Variants in ADGRV1 observed in about 807,000 individuals in gnomAD.
ADGRV1 encodes the protein G-protein coupled receptor 98.
In ADGRV1, 359 loss-of-function variants were observed where a neutral mutation model predicts 596.2. The observed-to-expected ratio is 0.60, with a 90% CI of 0.55 to 0.66. The LOEUF (loss-of-function observed/expected upper bound fraction) is 0.66, where lower values mean the gene tolerates loss of function less well. Ranked by LOEUF, ADGRV1 falls within the 30% of genes least tolerant of loss-of-function variation. The pLI is 0.00. For synonymous variants in ADGRV1, 2,681 were observed against 2,679.2 expected (o/e 1.00, Z -0.02); for missense variants, 7,274 against 7,575.6 (o/e 0.96, Z 1.48).
Position 91,164,302 on chromosome 5 carries a change from AC to A in ADGRV1, c.*405del, listed in dbSNP as rs1797191725. The stretch of plus-strand genomic sequence containing the variant: ...ACTCTATATGTAGATGATGACAAGC[AC>A]CCTGTGCCATCTTGCATGAATCCAG... On this transcript the variant is annotated 3_prime_UTR_variant, in exon 90 of 90. Transcript: ENST00000405460. 1 of 281,450 alleles carries A rather than the reference AC, an allele frequency of 3.6e-6. No homozygotes were observed. The highest frequency in any genetic ancestry group is 2.2e-5 in the African/African-American group (1 of 45,256). 17.4% of individuals were successfully genotyped at this position (281,450 alleles called of 1,614,324 possible).
chr5:91,072,557 A>C lies in ADGRV1; in HGVS notation c.18263A>C (p.Gln6088Pro). ...VFIHAYQVKP[Q>P]WKAYDDVFRG... ...ATCCATGCCTACCAGGTGAAGCCAC[A>C]GTGGAAAGCATATGATGATGTCTTC... is the stretch of plus-strand genomic sequence containing the variant. Residue 6088 changes from glutamine to proline, a missense_variant, in exon 86 of 90, where the codon CAG becomes CCG. Transcript: ENST00000405460. The C allele has an allele frequency of 1.9e-6, 3 of 1,613,890 alleles. No individual in the cohort carries two copies. Among genetic ancestry groups the C allele is most frequent in the Non-Finnish European group, 2.5e-6 (3 of 1,179,778 alleles).
At chr5:90,765,622 T>C (rs1190140727) in intron 59 of ADGRV1, among the ~76,000 whole-genome samples, 1 of 152,150 alleles carries the variant, frequency 6.6e-6, no homozygotes, top group East Asian at 1.9e-4. Context: ...ATTTTTTCTT[T>C]ATGGTAGGAA....
chr5:90,748,213 C>T (rs1754838845), intron 52 of ADGRV1, among the ~76,000 whole-genome samples: 1 of 152,152 alleles, frequency 6.6e-6, no homozygotes, highest in Non-Finnish European at 1.5e-5. Flanking sequence ...GAAGTTTACA[C>T]TACTACTCAA....
chr5:91,072,400 A>G (rs377622264), intron 85 of ADGRV1, 47 bp from the exon 86 acceptor site: 146 of 1,488,252 alleles, frequency 9.8e-5, no homozygotes, highest in Non-Finnish European at 1.1e-4. Flanking sequence ...ATTTAGAAAT[A>G]TTTGCGCTGA....
chr5:90,628,474 C>A, intron 7 of ADGRV1, 88 bp from the exon 8 acceptor site: 1 of 1,092,314 alleles, frequency 9.2e-7, no homozygotes, highest in East Asian at 2.5e-5. Context: ...TTATCAGTGT[C>A]TAATGGACAA....
intron 1 of ADGRV1, among the ~76,000 whole-genome samples, chr5:90,597,083 A>G (rs1760783794): frequency 1.3e-5 from 2 of 152,350 alleles, no homozygotes; most frequent in South Asian, 2.1e-4. Context: ...TTGGTTTGAT[A>G]CATGTTTGAG....
chr5:90,860,715 G>A (rs1406376011), intron 82 of ADGRV1, among the ~76,000 whole-genome samples: 27 of 145,600 alleles, frequency 1.9e-4, no homozygotes, highest in African/African-American at 7.0e-4. Flanking sequence ...TACATTAGGT[G>A]GTATAATAAA....
chr5:90,889,988 C>T (rs959212478), intron 83 of ADGRV1, among the ~76,000 whole-genome samples: 15 of 152,148 alleles, frequency 9.9e-5, no homozygotes, highest in Admixed American at 2.0e-4. Flanking sequence ...GCTGCTCACT[C>T]CTAAACCCAG....
intron 79 of ADGRV1, among the ~76,000 whole-genome samples, chr5:90,849,072 C>T (rs573070204): frequency 7.9e-5 from 12 of 152,106 alleles, no homozygotes; most frequent in African/African-American, 2.9e-4. Context: ...AAAAGCCTTA[C>T]TGTTTACTCT....
rs745313702 is a variant in ADGRV1 at position 90,829,050 on chromosome 5, A to G, written c.16475A>G (p.Asp5492Gly). Reference sequence around the variant, plus strand: ...GCACAGATTAAAATCTTAGAAAGTGATGAATCTCAAAGCCTTGTGTATTTT... The same window carrying G: ...GCACAGATTAAAATCTTAGAAAGTGGTGAATCTCAAAGCCTTGTGTATTTT... The part of the protein sequence containing the change: ...RFAQIKILES[D>G]ESQSLVYFSV... Residue 5492 changes from aspartate (D) to glycine (G), a missense_variant, in exon 77 of 90, where the codon GAT (aspartate) becomes GGT (glycine). Asp to Gly is a moderately conservative substitution (Grantham distance 94). This residue lies in a region of ADGRV1 where 1,874 missense variants were observed against 1,970.2 expected (regional missense o/e 0.95). Coordinates refer to ENST00000405460, the MANE Select transcript of ADGRV1 (RefSeq NM_032119.4). The G allele has an allele frequency of 6.2e-7, 1 of 1,612,814 alleles. No homozygotes were observed. The highest frequency in any genetic ancestry group is 8.5e-7 in the Non-Finnish European group (1 of 1,179,144).
At chr5:90,928,146 T>C (rs1171896111) in intron 83 of ADGRV1, among the ~76,000 whole-genome samples, 2 of 152,150 alleles carry the variant, frequency 1.3e-5, no homozygotes, top group Non-Finnish European at 2.9e-5. Flanking sequence ...CTTTGTGGCA[T>C]TCTCTGTATT....
At chr5:90,750,756 G>A in intron 53 of ADGRV1, 59 bp downstream of exon 53, 1 of 1,371,558 alleles carries the variant, frequency 7.3e-7, no homozygotes, top group Non-Finnish European at 1.0e-6. Context: ...AGTGATGTAT[G>A]GGACCAAATC....
At chr5:90,770,719 C>CA (rs1757601237) in intron 59 of ADGRV1, among the ~76,000 whole-genome samples, 2 of 151,956 alleles carry the variant, frequency 1.3e-5, no homozygotes, top group South Asian at 2.1e-4. Context: ...CAAACAAAAA[C>CA]AAAAAAACCT....
chr5:91,030,799 C>T (rs901668899), intron 85 of ADGRV1, among the ~76,000 whole-genome samples: 5 of 152,150 alleles, frequency 3.3e-5, no homozygotes, highest in South Asian at 2.1e-4. Flanking sequence ...TTTTGTAGTA[C>T]TCTGTCTCAG....
chr5:90,934,989 C>G (rs1180427823), intron 83 of ADGRV1, among the ~76,000 whole-genome samples: 1 of 152,004 alleles, frequency 6.6e-6, no homozygotes, highest in Non-Finnish European at 1.5e-5. Context: ...TAATTACCTC[C>G]TAGAAGCCCC....
intron 73 of ADGRV1, 76 bp downstream of exon 73, chr5:90,807,813 G>T (rs1762050517): frequency 3.1e-6 from 4 of 1,288,808 alleles, no homozygotes; most frequent in Non-Finnish European, 4.2e-6. Flanking sequence ...ACAGAAAAAG[G>T]CACAAGGGTT....
At chr5:91,040,608 C>G (rs1785259518) in intron 85 of ADGRV1, among the ~76,000 whole-genome samples, 1 of 152,188 alleles carries the variant, frequency 6.6e-6, no homozygotes, top group Non-Finnish European at 1.5e-5. Context: ...TACATGGCAT[C>G]ATACATAGAC....
intron 86 of ADGRV1, among the ~76,000 whole-genome samples, chr5:91,074,329 C>T (rs1788656655): frequency 1.3e-5 from 2 of 152,114 alleles, no homozygotes; most frequent in African/African-American, 4.8e-5. Flanking sequence ...CCTCCTCTTT[C>T]CCTCTACCCT....
At chr5:90,973,283 G>A (rs1044080669) in intron 84 of ADGRV1, among the ~76,000 whole-genome samples, 9 of 152,158 alleles carry the variant, frequency 5.9e-5, no homozygotes, top group South Asian at 2.1e-4. Flanking sequence ...ACAAGGAGGA[G>A]CTGGTACCAT....
Sources: allele counts gnomAD v4.1 joint callset (sites outside exome capture counted in the v4.1 genomes callset), GRCh38; gene constraint gnomAD v4.1.1; regional missense constraint gnomAD v4.1.1; transcripts MANE v1.5; gene names NCBI Gene and HGNC (gene_info 2026-07-23, HGNC 2026-07-21).